Variants in SLC6A16 observed in about 807,000 individuals in gnomAD.
SLC6A16 encodes orphan sodium- and chloride-dependent neurotransmitter transporter NTT5.
SLC6A16 carries 54 observed loss-of-function variants against 65.4 expected under a neutral mutation model. The ratio of observed to expected loss-of-function variants is 0.83; its 90% CI spans 0.66 to 1.04. The LOEUF (loss-of-function observed/expected upper bound fraction) is 1.04, where lower values mean the gene tolerates loss of function less well. Among genes scored for constraint, SLC6A16 ranks in the 50% least tolerant of loss-of-function variants. SLC6A16 has a pLI of 0.00. For synonymous variants in SLC6A16, 330 were observed against 346.5 expected (o/e 0.95, Z 0.53); for missense variants, 816 against 914.0 (o/e 0.89, Z 1.38).
At chr19:49,306,895 T>A (rs545401237) in intron 7 of SLC6A16, among the ~76,000 whole-genome samples, 1 of 152,140 alleles carries the variant, frequency 6.6e-6, no homozygotes, top group African/African-American at 2.4e-5. Flanking sequence ...AGCAATATAG[T>A]AACCACTATC....
Position 49,322,470 on chromosome 19 carries a change from G to A in SLC6A16, c.-65+2578C>T, listed in dbSNP as rs541188792. On this transcript the variant is annotated intron_variant, in intron 1 of 11. Coordinates refer to ENST00000335875, the MANE Select transcript of SLC6A16 (RefSeq NM_014037.3). The stretch of plus-strand genomic sequence containing the variant: ...AGCCTGACGAACATGGAGAAAACCC[G>A]TTTCCATTACCAAGTTACCCAGGCA... Among the ~76,000 whole-genome samples, 26 of 151,852 alleles carry A rather than the reference G, an allele frequency of 1.7e-4. No individual in the cohort carries two copies. In the South Asian group the frequency reaches 2.7e-3, roughly 16 times the overall value.
At chr19:49,333,174 C>T in the SLC6A16 span, among the ~76,000 whole-genome samples, 74 of 150,996 alleles carry the variant, frequency 4.9e-4, no homozygotes, top group Middle Eastern at 0.017. Flanking sequence ...AACAAACAAA[C>T]AACAACAACA....
At chr19:49,320,368 A>G (rs1012092100) in intron 1 of SLC6A16, among the ~76,000 whole-genome samples, 3 of 151,612 alleles carry the variant, frequency 2.0e-5, no homozygotes, top group Admixed American at 2.0e-4. Context: ...AGATCACACC[A>G]CTGCACTCCA....
At chr19:49,330,555 G>T in the SLC6A16 span, among the ~76,000 whole-genome samples, 1 of 152,182 alleles carries the variant, frequency 6.6e-6, no homozygotes, top group African/African-American at 2.4e-5. Flanking sequence ...GAGGGAATTT[G>T]CCAGTAAAGG....
intron 1 of SLC6A16, among the ~76,000 whole-genome samples, chr19:49,322,201 C>G (rs1463523169): frequency 6.6e-6 from 1 of 152,048 alleles, no homozygotes; most frequent in Non-Finnish European, 1.5e-5. Flanking sequence ...AATTTTTGAG[C>G]TAATAAATGA....
chr19:49,291,146 T>C (rs1207535971), intron 10 of SLC6A16, among the ~76,000 whole-genome samples: 2 of 152,132 alleles, frequency 1.3e-5, no homozygotes, highest in African/African-American at 4.8e-5. Flanking sequence ...GGTGAACTTA[T>C]CTAGTTTATT....
chr19:49,324,478 C>CA (rs1970766610), intron 1 of SLC6A16, among the ~76,000 whole-genome samples: 1 of 152,186 alleles, frequency 6.6e-6, no homozygotes, highest in African/African-American at 2.4e-5. Context: ...CCTTGAGCCC[C>CA]AGGCGGACTC....
intron 7 of SLC6A16, among the ~76,000 whole-genome samples, chr19:49,304,564 G>A (rs770342097): frequency 2.3e-4 from 35 of 152,118 alleles, no homozygotes; most frequent in Non-Finnish European, 4.7e-4. Flanking sequence ...TCGAAAGTTC[G>A]AGACCAGCCT....
the SLC6A16 span, chr19:49,340,212 C>T: frequency 6.4e-7 from 1 of 1,573,456 alleles, no homozygotes; most frequent in Non-Finnish European, 8.7e-7. Context: ...CTCGCCAGCA[C>T]CCCTTCGACT....
the SLC6A16 span, chr19:49,337,949 G>C: frequency 6.2e-7 from 1 of 1,614,062 alleles, no homozygotes; most frequent in Non-Finnish European, 8.5e-7. Context: ...GCGGGACGTC[G>C]TAGAGAAAAC....
chr19:49,327,152 C>A (rs184713582), upstream of SLC6A16, among the ~76,000 whole-genome samples: 89 of 151,926 alleles, frequency 5.9e-4, no homozygotes, highest in Non-Finnish European at 1.1e-3. Flanking sequence ...CGGCTCACTG[C>A]AACCTCTGCC....
the SLC6A16 span, chr19:49,335,510 G>A: frequency 1.9e-6 from 3 of 1,550,882 alleles, no homozygotes; most frequent in Non-Finnish European, 1.8e-6. This position sits in a 1 kb window ranked among gnomAD's most constrained non-coding sequence, Gnocchi z 4.6. Flanking sequence ...CTTCTGTGTG[G>A]TGAGTGGACC....
intron 7 of SLC6A16, among the ~76,000 whole-genome samples, chr19:49,304,477 C>T (rs1210839729): frequency 1.3e-5 from 2 of 152,110 alleles, no homozygotes; most frequent in Non-Finnish European, 1.5e-5. Context: ...CTTTAAAAAC[C>T]TTTGTTGGCT....
At chr19:49,335,349 G>A in the SLC6A16 span, 3 of 604,864 alleles carry the variant, frequency 5.0e-6, no homozygotes, top group South Asian at 6.0e-5. The surrounding 1 kb of genome is among the most constrained non-coding windows in gnomAD (Gnocchi z 4.6). Context: ...CAGAGAGAGA[G>A]ACAGAAAGCC....
chr19:49,294,334 C>T, intron 8 of SLC6A16, 33 bp downstream of exon 8: 1 of 1,604,208 alleles, frequency 6.2e-7, no homozygotes, highest in Non-Finnish European at 8.5e-7. Flanking sequence ...CTTTCAGGAA[C>T]TCTAGGCTCC....
the SLC6A16 span, chr19:49,338,583 C>T: frequency 1.3e-6 from 1 of 751,072 alleles, no homozygotes; most frequent in Non-Finnish European, 2.3e-6. The surrounding 1 kb of genome is among the most constrained non-coding windows in gnomAD (Gnocchi z 5.0). Flanking sequence ...CCCCACTCCA[C>T]ACCCACCACT....
chr19:49,325,889 C>A (rs953351817), upstream of SLC6A16, among the ~76,000 whole-genome samples: 2 of 151,928 alleles, frequency 1.3e-5, no homozygotes, highest in African/African-American at 4.8e-5. Flanking sequence ...TGGCGCTGGG[C>A]GCGGTGGCTG....
chr19:49,337,679 A>G, the SLC6A16 span: 1 of 1,526,200 alleles, frequency 6.6e-7, no homozygotes, highest in Non-Finnish European at 8.8e-7. Flanking sequence ...TCCAAAGGGA[A>G]ACACACGGGA....
At chr19:49,337,954 G>GA in the SLC6A16 span, 9 of 1,614,110 alleles carry the variant, frequency 5.6e-6, no homozygotes, top group Non-Finnish European at 7.6e-6. Context: ...ACGTCGTAGA[G>GA]AAAACCATCC....
Sources: gnomAD v4.1 joint callset for allele counts (sites outside exome capture counted in the v4.1 genomes callset) on GRCh38, gnomAD v4.1.1 for gene constraint, Gnocchi (gnomAD v3.1) non-coding constraint, MANE v1.5 for transcripts, NCBI Gene and HGNC (gene_info 2026-07-23, HGNC 2026-07-21) for gene names.